Variants in MMP26 observed in about 807,000 individuals in gnomAD.
The protein encoded by MMP26 is matrix metallopeptidase 26.
MMP26 carries 33 observed loss-of-function variants against 31.0 expected under a neutral mutation model. That is an observed-to-expected ratio of 1.06 (90% CI 0.81 to 1.42). MMP26 has a LOEUF of 1.42. MMP26 is among the 40% of genes most tolerant of loss of function. The pLI, the probability that MMP26 is intolerant of heterozygous loss-of-function variation, is 0.00. For synonymous variants in MMP26, 122 were observed against 114.9 expected, an observed-to-expected ratio of 1.06 and a Z score of -0.40; for missense variants, 347 against 316.1, an observed-to-expected ratio of 1.10 and a Z score of -0.74.
chr11:4,749,996 C>G (rs960143588), intron 1 of MMP26, among the ~76,000 whole-genome samples: 1 of 152,108 alleles, frequency 6.6e-6, no homozygotes, highest in African/African-American at 2.4e-5. Context: ...GAACAGATAA[C>G]TTGCAGAAGG....
At chr11:4,769,539 C>G (rs748434208) in intron 2 of MMP26, 2 of 1,613,498 alleles carry the variant, frequency 1.2e-6, no homozygotes, top group Admixed American at 3.3e-5. Flanking sequence ...TCACAGATGG[C>G]CACATAACGG....
chr11:4,914,551 C>A (rs948212757), intron 2 of MMP26: 51 of 573,972 alleles, frequency 8.9e-5, no homozygotes, highest in Middle Eastern at 2.6e-4. Flanking sequence ...TTTACCCCCC[C>A]CTGCCCTGGC....
At chr11:4,841,372 A>G (rs1446279504) in intron 2 of MMP26, among the ~76,000 whole-genome samples, 1 of 152,202 alleles carries the variant, frequency 6.6e-6, no homozygotes, top group Non-Finnish European at 1.5e-5. Context: ...AAAGCATTTA[A>G]TAATCAAATT....
intron 2 of MMP26, among the ~76,000 whole-genome samples, chr11:4,852,494 T>G (rs1357398916): frequency 6.6e-6 from 1 of 152,146 alleles, no homozygotes; most frequent in African/African-American, 2.4e-5. Flanking sequence ...ACAGAGCATA[T>G]TCATTTCTCA....
At chr11:4,730,978 C>T (rs1241301446) in intron 1 of MMP26, among the ~76,000 whole-genome samples, 1 of 151,964 alleles carries the variant, frequency 6.6e-6, no homozygotes, top group African/African-American at 2.4e-5. Flanking sequence ...GAGTTTCACT[C>T]TTTTTGCCCA....
chr11:4,830,861 G>GA (rs1036523864), intron 2 of MMP26, among the ~76,000 whole-genome samples: 1 of 149,862 alleles, frequency 6.7e-6, no homozygotes, highest in African/African-American at 2.5e-5. Context: ...AGTGCAATAG[G>GA]AAAAAATCCG....
At chr11:4,973,513 G>A (rs1846694542) in intron 2 of MMP26, 1 of 152,486 alleles carries the variant, frequency 6.6e-6, no homozygotes, top group South Asian at 2.1e-4. Context: ...TGGCAATAAA[G>A]CGATCAAAGG....
At chr11:4,714,919 C>A (rs1180038797) in intron 1 of MMP26, among the ~76,000 whole-genome samples, 1 of 134,282 alleles carries the variant, frequency 7.4e-6, no homozygotes, top group African/African-American at 3.1e-5. Context: ...CTCTCTCTCT[C>A]TCACACACAC....
chr11:4,859,433 C>A (rs1456688505), intron 2 of MMP26, among the ~76,000 whole-genome samples: 1 of 152,132 alleles, frequency 6.6e-6, no homozygotes, highest in South Asian at 2.1e-4. Context: ...TACACACATT[C>A]CAAAATATAG....
intron 1 of MMP26, among the ~76,000 whole-genome samples, chr11:4,727,915 A>T (rs1395394015): frequency 1.3e-5 from 2 of 152,176 alleles, no homozygotes; most frequent in Non-Finnish European, 2.9e-5. Flanking sequence ...CCAACTATTA[A>T]ATTAGAAAAT....
rs760676788 is a variant in MMP26 at position 4,848,412 on chromosome 11, G to A, written c.-145+81071G>A. The A allele has an allele frequency of 8.7e-5, 140 of 1,613,884 alleles. 1 individual carries two copies. The Admixed American group carries it at 2.3e-3, about 26-fold the overall frequency. ...TGGCAGCTCAGGATGGTTAATCAGT[G>A]CCAGGAGGATCATAGGGATATAGAA... On this transcript the variant is annotated intron_variant, in intron 2 of 7. Transcript: ENST00000380390.
chr11:4,747,458 G>A lies in MMP26; in HGVS notation c.-216-19812G>A, dbSNP rs61883473. On this transcript the variant is annotated intron_variant, in intron 1 of 7. Coordinates refer to ENST00000380390, the MANE Select transcript of MMP26 (RefSeq NM_021801.5). ...CTATGCATATAAATATAAAAAGAAA[G>A]GATAAAAATCAAAACTGTGCAATGG... Among the ~76,000 whole-genome samples the A allele has an allele frequency of 8.2e-3, 1,254 of 152,150 alleles. 11 individuals are homozygous for A. The highest frequency in any genetic ancestry group is 0.02 in the Middle Eastern group (6 of 294).
Position 4,893,814 on chromosome 11 carries a change from C to T in MMP26, c.-144-94254C>T, listed in dbSNP as rs144467881. Among the ~76,000 whole-genome samples, 1,361 of 151,998 alleles carry T rather than the reference C, an allele frequency of 9.0e-3. 15 individuals carry two copies. The highest frequency in any genetic ancestry group is 0.012 in the Non-Finnish European group (810 of 67,988). On this transcript the variant is annotated intron_variant, in intron 2 of 7. Transcript: ENST00000380390. ...GTATCTTATTAAAAGATCTTGTTGG[C>T]ACAATGGCTCACACCTGTAAGCCAT...
At chr11:4,848,604 C>A in intron 2 of MMP26, 2 of 1,607,050 alleles carry the variant, frequency 1.2e-6, no homozygotes, top group African/African-American at 1.3e-5. Context: ...GTAGGCTGCA[C>A]CCCAAGCTTC....
rs73403011 is a variant in MMP26, at chr11:4,803,426, C to T, written c.-145+36085C>T. On this transcript the variant is annotated intron_variant, in intron 2 of 7. Transcript: ENST00000380390. ...ATGTAAGTGATGGGGATACACTGAC[C>T]CTTTGCTCAGGGGATGTTTCCACAA... 1,409 of 1,571,848 alleles carry T rather than the reference C, an allele frequency of 9.0e-4. 16 individuals carry two copies. The African/African-American group carries it at 0.016, about 17-fold the overall frequency.
At chr11:4,942,110 A>AAAAAG (rs1846218904) in intron 2 of MMP26, among the ~76,000 whole-genome samples, 1 of 138,594 alleles carries the variant, frequency 7.2e-6, no homozygotes, top group South Asian at 2.4e-4. Context: ...AAAAAAAAAA[A>AAAAAG]GGAAGTAAAA....
intron 2 of MMP26, among the ~76,000 whole-genome samples, chr11:4,825,744 C>G (rs1397640662): frequency 6.6e-6 from 1 of 152,084 alleles, no homozygotes; most frequent in African/African-American, 2.4e-5. Context: ...CTTCTGACTG[C>G]TAGCAACCAG....
intron 1 of MMP26, among the ~76,000 whole-genome samples, chr11:4,751,696 A>T (rs573095882): frequency 6.6e-4 from 100 of 152,232 alleles, no homozygotes; most frequent in African/African-American, 2.3e-3. Flanking sequence ...AAAATAAAAT[A>T]TATATTTATT....
intron 2 of MMP26, among the ~76,000 whole-genome samples, chr11:4,846,859 A>G (rs1278682151): frequency 6.6e-6 from 1 of 152,222 alleles, no homozygotes; most frequent in Non-Finnish European, 1.5e-5. Context: ...CTTTTGCTGT[A>G]TACCAACTAC....
Sources: gnomAD v4.1 joint callset for allele counts (sites outside exome capture counted in the v4.1 genomes callset) on GRCh38, gnomAD v4.1.1 for gene constraint, MANE v1.5 for transcripts, NCBI Gene and HGNC (gene_info 2026-07-23, HGNC 2026-07-21) for gene names.